Variants in LY75 observed in about 807,000 individuals in gnomAD.
LY75 encodes the protein C-type lectin domain family 13 member B.
In LY75, 185 loss-of-function variants were observed where a neutral mutation model predicts 231.7. That is an observed-to-expected ratio of 0.80 (90% confidence interval 0.71 to 0.90). The LOEUF (loss-of-function observed/expected upper bound fraction) is 0.90. Ranked by LOEUF, LY75 falls within the 40% of genes least tolerant of loss-of-function variation. The pLI is 0.00. For missense variants in LY75, 1,947 were observed against 2,050.2 expected (o/e 0.95, Z 0.97); for synonymous variants, 668 against 689.0 (o/e 0.97, Z 0.48).
rs199871717 is a variant in LY75 at position 159,831,809 on chromosome 2, T to C, written c.3842-23A>G. 1.9e-6 allele frequency: 3 copies of C among 1,573,556 alleles called. No homozygotes were observed. The East Asian group carries it at 6.8e-5, about 35-fold the overall frequency. ...GATCTGTTGAATAAAAAATAATCAA[T>C]AATTTTAACAATTACTTATCTAGTA... On this transcript the variant is annotated intron_variant, in intron 27 of 34. Transcript: ENST00000263636.
intron 13 of LY75, among the ~76,000 whole-genome samples, chr2:159,866,935 CA>C (rs1239017805): frequency 6.6e-6 from 1 of 152,104 alleles, no homozygotes; most frequent in Non-Finnish European, 1.5e-5. Flanking sequence ...GGTTCATCCT[CA>C]ACTTTCTAGG....
rs761288630 is a variant in LY75 at position 159,808,499 on chromosome 2, T to G, written c.4772A>C (p.Asn1591Thr). ...CCAAACTCTCATGGTAATGTTATTATTTTCCCTCATCAGTCTGCTCACAAA... is the reference window on the plus strand; with the variant it reads ...CCAAACTCTCATGGTAATGTTATTAGTTTCCCTCATCAGTCTGCTCACAAA... The part of the protein sequence containing the change: ...NKFVSRLMRE[N>T]NNITMRVWLG... The change falls in exon 33 of 35, where the codon AAT becomes ACT. Residue 1591 changes from asparagine to threonine, a missense_variant. Transcript: ENST00000263636. The G allele has an allele frequency of 6.2e-7, 1 of 1,613,964 alleles. No individual in the cohort carries two copies. The highest frequency in any genetic ancestry group is 1.7e-5 in the Admixed American group (1 of 60,026).
chr2:159,884,728 GATT>G (rs929022395), intron 6 of LY75, among the ~76,000 whole-genome samples: 14 of 152,104 alleles, frequency 9.2e-5, no homozygotes, highest in African/African-American at 3.4e-4. Context: ...TTAAAATACA[GATT>G]GCTGGACCCC....
chr2:159,832,765 T>C (rs926602495), intron 27 of LY75, among the ~76,000 whole-genome samples: 5 of 152,258 alleles, frequency 3.3e-5, no homozygotes, highest in Non-Finnish European at 7.3e-5. Flanking sequence ...TGTTGGTTAT[T>C]TTTTTCAACC....
In LY75 at chr2:159,882,141, G is replaced by C; in HGVS notation, c.1229C>G (p.Thr410Arg). Reference protein sequence around the residue: ...HSLADVEVVVTKLHNEDIKEE... With the variant: ...HSLADVEVVVRKLHNEDIKEE... ...AAACTTACCCTCATTATGGAGTTTT[G>C]TGACAACCACCTCCACATCTGCTAG... The change falls in exon 7 of 35, where the codon ACA becomes AGA. Residue 410 changes from threonine to arginine, a missense_variant. Coordinates refer to ENST00000263636, the MANE Select transcript of LY75 (RefSeq NM_002349.4). 3 of 1,612,666 alleles carry C rather than the reference G, an allele frequency of 1.9e-6. No individual in the cohort carries two copies. The South Asian group carries it at 3.3e-5, about 18-fold the overall frequency.
At chr2:159,811,604 A>T (rs1297342863) in intron 31 of LY75, among the ~76,000 whole-genome samples, 2 of 152,206 alleles carry the variant, frequency 1.3e-5, no homozygotes, top group Non-Finnish European at 2.9e-5. Flanking sequence ...TTCAGTAAGT[A>T]AAGGCTTTTT....
At chr2:159,883,463 C>T (rs897471020) in intron 6 of LY75, among the ~76,000 whole-genome samples, 9 of 151,914 alleles carry the variant, frequency 5.9e-5, no homozygotes, top group Non-Finnish European at 8.8e-5. Context: ...AAATATCACC[C>T]ATAATGGAAC....
chr2:159,834,575 ATTTAT>A (rs903794984), intron 26 of LY75, among the ~76,000 whole-genome samples: 2 of 152,328 alleles, frequency 1.3e-5, no homozygotes, highest in African/African-American at 4.8e-5. Context: ...AACTCTGAGA[ATTTAT>A]TTTAAAGTTT....
At chr2:159,858,120 C>T (rs1684598641) in intron 16 of LY75, among the ~76,000 whole-genome samples, 1 of 152,146 alleles carries the variant, frequency 6.6e-6, no homozygotes, top group Non-Finnish European at 1.5e-5. Flanking sequence ...GAATGAGCCT[C>T]ACATTTTATC....
At chr2:159,806,865 G>T in intron 34 of LY75, 108 bp downstream of exon 34, 1 of 1,341,840 alleles carries the variant, frequency 7.5e-7, no homozygotes, top group African/African-American at 1.5e-5. Flanking sequence ...TATACTTTAA[G>T]GACTAAATAC....
intron 29 of LY75, among the ~76,000 whole-genome samples, chr2:159,819,120 G>A (rs1574526035): frequency 6.6e-6 from 1 of 152,316 alleles, no homozygotes; most frequent in South Asian, 2.1e-4. Context: ...GAGCCAACTA[G>A]CCAGCACTCC....
At chr2:159,824,638 C>T (rs369467358) in intron 28 of LY75, among the ~76,000 whole-genome samples, 8 of 152,324 alleles carry the variant, frequency 5.3e-5, no homozygotes, top group Middle Eastern at 3.4e-3. Context: ...CAGAACTCTC[C>T]AGCCCAAATC....
intron 13 of LY75, among the ~76,000 whole-genome samples, chr2:159,865,537 A>G (rs1022188277): frequency 6.6e-6 from 1 of 152,190 alleles, no homozygotes; most frequent in African/African-American, 2.4e-5. Context: ...TAAGACCTAC[A>G]TCTACCCTGA....
chr2:159,842,395 A>G (rs776722949), intron 23 of LY75, 21 bp from the exon 24 acceptor site: 5 of 1,598,752 alleles, frequency 3.1e-6, no homozygotes, highest in Non-Finnish European at 4.3e-6. Context: ...AGGCAAATAC[A>G]TACATGCAAT....
At chr2:159,872,320 C>T in intron 13 of LY75, 131 bp downstream of exon 13, 2 of 1,212,202 alleles carry the variant, frequency 1.6e-6, no homozygotes, top group Middle Eastern at 2.3e-4. Context: ...CTGCTAAGCA[C>T]CAAATGACCT....
chr2:159,843,629 T>C (rs1684109625), intron 23 of LY75, among the ~76,000 whole-genome samples: 1 of 152,068 alleles, frequency 6.6e-6, no homozygotes, highest in Non-Finnish European at 1.5e-5. Flanking sequence ...TAAGAAAAGT[T>C]AAGTAAACCT....
intron 32 of LY75, among the ~76,000 whole-genome samples, chr2:159,809,509 A>C (rs1176821768): frequency 6.6e-6 from 1 of 152,178 alleles, no homozygotes; most frequent in Non-Finnish European, 1.5e-5. Context: ...ATTTTTATTT[A>C]CTACTTAGCT....
intron 20 of LY75, 109 bp from the exon 21 acceptor site, chr2:159,852,449 G>T: frequency 7.0e-7 from 1 of 1,437,332 alleles, no homozygotes; most frequent in Non-Finnish European, 9.2e-7. Flanking sequence ...ACAGAGTCTC[G>T]CTCTGTTGCC....
At chr2:159,840,604 T>A (rs1426576705) in intron 25 of LY75, 125 bp downstream of exon 25, 9 of 1,412,218 alleles carry the variant, frequency 6.4e-6, no homozygotes, top group South Asian at 1.4e-5. Context: ...ACATATTCCA[T>A]GAAATTTACT....
Sources: allele counts gnomAD v4.1 joint callset (sites outside exome capture counted in the v4.1 genomes callset), GRCh38; gene constraint gnomAD v4.1.1; transcripts MANE v1.5; gene names NCBI Gene and HGNC (gene_info 2026-07-23, HGNC 2026-07-21).